MGST3: variants seen among roughly 807,000 people sequenced by gnomAD.
The protein encoded by MGST3 is glutathione S-transferase 3, mitochondrial.
A neutral mutation model predicts 15.8 loss-of-function variants in MGST3; 13 were observed. That is an observed-to-expected ratio of 0.82 (90% CI 0.54 to 1.31). The LOEUF is 1.31. MGST3 is among the 50% of genes most tolerant of loss of function. The pLI, the probability that MGST3 is intolerant of heterozygous loss-of-function variation, is 0.00. For synonymous variants in MGST3, 49 were observed against 68.1 expected (o/e 0.72, Z 1.38); for missense variants, 155 against 192.4 (o/e 0.81, Z 1.15).
Position 165,655,833 on chromosome 1 carries a change from C to G in MGST3, c.*329C>G, listed in dbSNP as rs1302389248. 3.0e-6 allele frequency: 1 copy of G among 333,848 alleles called. No individual in the cohort carries two copies. Among genetic ancestry groups the G allele is most frequent in the Non-Finnish European group, 5.7e-6 (1 of 176,164 alleles). The allele number at this position is 333,848 out of a possible 1,614,324, so 20.7% of individuals were successfully genotyped here. On this transcript the variant is annotated 3_prime_UTR_variant, in exon 6 of 6. Transcript: ENST00000367889. The stretch of plus-strand genomic sequence containing the variant: ...GAAAAATTAAAGAAAAATCTTCTAG[C>G]TCTCAGGATATGCATTATCACTTGC...
chr1:165,641,143 A>G lies in MGST3; in HGVS notation c.-7-8698A>G, dbSNP rs9333421. On this transcript the variant is annotated intron_variant, in intron 1 of 5. Coordinates refer to ENST00000367889, the MANE Select transcript of MGST3 (RefSeq NM_004528.4). ...GGTTGCAGTGAGCCTAGATCGTGCC[A>G]CTTCACTCTAGCCTGGGGGGAAGAG... Among the ~76,000 whole-genome samples the G allele has an allele frequency of 9.9e-3, 1,501 of 152,258 alleles. 53 individuals are homozygous for G. Among genetic ancestry groups the G allele is most frequent in the Admixed American group, 0.059 (904 of 15,286 alleles).
chr1:165,635,962 A>C (rs1026800891), intron 1 of MGST3: 2 of 152,208 alleles, frequency 1.3e-5, no homozygotes, highest in African/African-American at 4.8e-5. Context: ...TGAATATGCA[A>C]TGCAATTGTC....
chr1:165,647,513 T>C (rs1259255409), intron 1 of MGST3: 1 of 152,182 alleles, frequency 6.6e-6, no homozygotes, highest in Non-Finnish European at 1.5e-5. Context: ...TATTTCCTTT[T>C]CTATAAAGTG....
chr1:165,652,870 T>C (rs56368557), intron 4 of MGST3, among the ~76,000 whole-genome samples: 7,438 of 152,256 alleles, frequency 0.049, 612 homozygotes, highest in African/African-American at 0.17. Flanking sequence ...CTTAAACATA[T>C]CTAAATAAAG....
At chr1:165,633,603 C>T (rs1427503747) in intron 1 of MGST3, among the ~76,000 whole-genome samples, 2 of 152,102 alleles carry the variant, frequency 1.3e-5, no homozygotes, top group Non-Finnish European at 2.9e-5. Context: ...ATGAAAAGGT[C>T]GAACCCCTGT....
chr1:165,634,719 C>T (rs546736003), intron 1 of MGST3, among the ~76,000 whole-genome samples: 1 of 150,384 alleles, frequency 6.6e-6, no homozygotes, highest in Non-Finnish European at 1.5e-5. Context: ...CATGCTCACT[C>T]GTGCTCTCTC....
intron 1 of MGST3, among the ~76,000 whole-genome samples, chr1:165,639,428 T>C (rs1648205515): frequency 6.6e-6 from 1 of 152,206 alleles, no homozygotes. Context: ...ATGGGGATAA[T>C]AATAGTAACT....
At chr1:165,654,601 G>A (rs1648658865) in intron 5 of MGST3, among the ~76,000 whole-genome samples, 1 of 152,052 alleles carries the variant, frequency 6.6e-6, no homozygotes, top group Non-Finnish European at 1.5e-5. Context: ...TGAGGCGGGA[G>A]GATTGCTTCA....
intron 1 of MGST3, among the ~76,000 whole-genome samples, chr1:165,640,741 A>C (rs1648240001): frequency 6.6e-6 from 1 of 152,308 alleles, no homozygotes; most frequent in South Asian, 2.1e-4. Context: ...TATAAAAAAT[A>C]TAAGCAAGGA....
chr1:165,632,635 A>G (rs1200235889), intron 1 of MGST3, among the ~76,000 whole-genome samples: 2 of 152,112 alleles, frequency 1.3e-5, no homozygotes, highest in Non-Finnish European at 2.9e-5. Flanking sequence ...TTTTTAACCA[A>G]TGTTACTATA....
At chr1:165,647,990 C>G (rs1648453302) in intron 1 of MGST3, 1 of 152,136 alleles carries the variant, frequency 6.6e-6, no homozygotes, top group Non-Finnish European at 1.5e-5. Flanking sequence ...CCTGTTTGCC[C>G]CAGATGTGTT....
intron 1 of MGST3, among the ~76,000 whole-genome samples, chr1:165,644,096 A>T (rs577594718): frequency 2.0e-5 from 3 of 151,532 alleles, no homozygotes; most frequent in Admixed American, 6.6e-5. Flanking sequence ...GCTGTCCTCT[A>T]GATGGTTCTA....
chr1:165,646,693 CTG>C (rs1184145379), intron 1 of MGST3: 1 of 152,242 alleles, frequency 6.6e-6, no homozygotes. Context: ...GGTGGTCATT[CTG>C]AAAGACACCT....
intron 1 of MGST3, chr1:165,646,973 CA>C (rs1202149868): frequency 6.6e-6 from 1 of 152,256 alleles, no homozygotes; most frequent in Admixed American, 6.5e-5. Flanking sequence ...TCAGGGAGAA[CA>C]GTCACGCTGC....
At chr1:165,640,800 A>G (rs1435428340) in intron 1 of MGST3, among the ~76,000 whole-genome samples, 1 of 152,186 alleles carries the variant, frequency 6.6e-6, no homozygotes, top group Non-Finnish European at 1.5e-5. Context: ...AGAGAGGTAT[A>G]CTATATTCAA....
At position 165,651,602 on chromosome 1, in the gene MGST3, T is replaced by A. The variant is rs1045624614; in HGVS notation, c.192-376T>A. 2.6e-5 allele frequency: 8 copies of A among 304,436 alleles called. No individual in the cohort carries two copies. In the Admixed American group the frequency reaches 3.4e-4, roughly 13 times the overall value. 18.9% of individuals were successfully genotyped at this position (304,436 alleles called of 1,614,324 possible). A position where few individuals can be genotyped will look rare whatever the true frequency, so the allele number is the denominator to read the frequency against. On this transcript the variant is annotated intron_variant, in intron 3 of 5. Transcript: ENST00000367889. Reference sequence around the variant, plus strand: ...CAAGCTTCTAACTTGGCAAGGAAGATGTAAAGATTCATAGTGCTGGCTGGG... The same window carrying A: ...CAAGCTTCTAACTTGGCAAGGAAGAAGTAAAGATTCATAGTGCTGGCTGGG...
At chr1:165,647,403 C>A (rs1648432211) in intron 1 of MGST3, 2 of 152,152 alleles carry the variant, frequency 1.3e-5, no homozygotes, top group Non-Finnish European at 2.9e-5. Context: ...AGTGACTAAG[C>A]CACCAAATTT....
At chr1:165,650,081 G>A in intron 2 of MGST3, 117 bp downstream of exon 2, 1 of 1,474,490 alleles carries the variant, frequency 6.8e-7, no homozygotes, top group Non-Finnish European at 9.3e-7. Context: ...AGAAGTGGCA[G>A]TTTCAGGACT....
intron 1 of MGST3, among the ~76,000 whole-genome samples, chr1:165,640,712 C>G (rs1042001411): frequency 6.6e-6 from 1 of 152,176 alleles, no homozygotes; most frequent in Admixed American, 6.5e-5. Context: ...TACTGAGTTT[C>G]TGTCTTCATG....
Sources: allele counts gnomAD v4.1 joint callset (sites outside exome capture counted in the v4.1 genomes callset), GRCh38; gene constraint gnomAD v4.1.1; transcripts MANE v1.5; gene names NCBI Gene and HGNC (gene_info 2026-07-23, HGNC 2026-07-21).